The following HMOX2 variants were observed in gnomAD, a reference collection of about 807,000 sequenced individuals.
HMOX2 encodes the protein heme oxygenase (decycling) 2.
Under a neutral mutation model 33.7 loss-of-function variants are expected in HMOX2, and 30 were observed. The ratio of observed to expected loss-of-function variants is 0.89; its 90% CI spans 0.67 to 1.21. The LOEUF (loss-of-function observed/expected upper bound fraction) is 1.21, where lower values mean the gene tolerates loss of function less well. Among genes scored for constraint, HMOX2 ranks in the 50% most tolerant of loss-of-function variants. HMOX2 has a pLI of 0.00. For synonymous variants in HMOX2, 155 were observed against 155.0 expected, an observed-to-expected ratio of 1.00 and a Z score of 0.00; for missense variants, 403 against 399.1, an observed-to-expected ratio of 1.01 and a Z score of -0.08.
At chr16:4,495,404 G>A (rs528246972) in intron 1 of HMOX2, 1 of 152,210 alleles carries the variant, frequency 6.6e-6, no homozygotes, top group Non-Finnish European at 1.5e-5. Flanking sequence ...TATGTAGGAT[G>A]AGCCAACCAT....
chr16:4,505,810 C>G (rs1375744104), intron 2 of HMOX2, among the ~76,000 whole-genome samples, 200 bp downstream of exon 2: 2 of 152,206 alleles, frequency 1.3e-5, no homozygotes. Flanking sequence ...ATTGTCTCAT[C>G]CAAGGAGGCA....
chr16:4,509,398 C>A lies in HMOX2; in HGVS notation c.697-14C>A. On this transcript the variant is annotated splice_polypyrimidine_tract_variant and intron_variant, in intron 4 of 5. Transcript: ENST00000570646. ...CAGCCCAAAGATGGCTCAGTCGATC[C>A]TCTGCTCCTGCAGATATTCAATGAA... 1 of 1,612,938 alleles carries A rather than the reference C, an allele frequency of 6.2e-7. No individual in the cohort carries two copies. Among genetic ancestry groups the A allele is most frequent in the African/African-American group, 1.3e-5 (1 of 74,898 alleles).
intron 3 of HMOX2, 41 bp from the exon 4 acceptor site, chr16:4,507,672 T>C (rs1159544507): frequency 1.9e-6 from 3 of 1,592,920 alleles, no homozygotes; most frequent in Non-Finnish European, 2.6e-6. Flanking sequence ...TCGGATGTGG[T>C]GTGCTCAGGC....
chr16:4,477,116 C>T (rs950131955), intron 1 of HMOX2, among the ~76,000 whole-genome samples: 2 of 152,030 alleles, frequency 1.3e-5, no homozygotes, highest in Admixed American at 1.3e-4. Flanking sequence ...ACTTTCTGAG[C>T]GCAGTGCTCT....
chr16:4,500,695 G>A (rs995376449), intron 1 of HMOX2, among the ~76,000 whole-genome samples: 3 of 152,146 alleles, frequency 2.0e-5, no homozygotes, highest in African/African-American at 7.2e-5. Context: ...AAATTTGTTG[G>A]ACTTAGTCTC....
intron 1 of HMOX2, among the ~76,000 whole-genome samples, chr16:4,503,828 T>C (rs2058620068): frequency 1.3e-5 from 2 of 152,232 alleles, no homozygotes; most frequent in East Asian, 3.8e-4. Context: ...TTCTTAACAC[T>C]TCTGTGTTCT....
intron 1 of HMOX2, chr16:4,488,712 G>C (rs1403227136): frequency 3.3e-5 from 5 of 152,664 alleles, no homozygotes; most frequent in African/African-American, 1.2e-4. Context: ...GGGGACATTG[G>C]ATATTTTTTC....
chr16:4,506,811 G>A (rs777511385), intron 2 of HMOX2, 84 bp from the exon 3 acceptor site: 6 of 970,426 alleles, frequency 6.2e-6, no homozygotes, highest in Admixed American at 1.8e-5. Context: ...ACCTTGGGGT[G>A]TGGACTCAAT....
chr16:4,499,046 C>A (rs2058494067), intron 1 of HMOX2, among the ~76,000 whole-genome samples: 1 of 152,208 alleles, frequency 6.6e-6, no homozygotes, highest in Admixed American at 6.5e-5. Flanking sequence ...ATTCCTATTT[C>A]CTGACGCTGC....
intron 1 of HMOX2, among the ~76,000 whole-genome samples, chr16:4,497,136 G>T (rs1397021777): frequency 6.6e-6 from 1 of 152,090 alleles, no homozygotes; most frequent in Non-Finnish European, 1.5e-5. Flanking sequence ...ACCCCCAAAT[G>T]CTATTCACAG....
chr16:4,479,296 A>T (rs1193301040), intron 1 of HMOX2, among the ~76,000 whole-genome samples: 2 of 152,110 alleles, frequency 1.3e-5, no homozygotes, highest in African/African-American at 4.8e-5. Context: ...TTGTCGATCT[A>T]AGGGGTTTCC....
At chr16:4,494,054 C>A (rs1176043848) in intron 1 of HMOX2, among the ~76,000 whole-genome samples, 1 of 152,094 alleles carries the variant, frequency 6.6e-6, no homozygotes, top group Non-Finnish European at 1.5e-5. Context: ...CTGTGGCTCA[C>A]GCCTGTAATC....
intron 1 of HMOX2, among the ~76,000 whole-genome samples, chr16:4,499,493 A>C (rs895323473): frequency 6.6e-6 from 1 of 152,174 alleles, no homozygotes; most frequent in Non-Finnish European, 1.5e-5. Flanking sequence ...GTTGGTTACC[A>C]GCGGCTGGGG....
rs968676097 is a variant in HMOX2 at position 4,508,313 on chromosome 16, G to A, written c.696+109G>A. 17 of 1,298,686 alleles carry A rather than the reference G, an allele frequency of 1.3e-5. No homozygotes were observed. The African/African-American group carries it at 1.8e-4, about 14-fold the overall frequency. The allele number at this position is 1,298,686 out of a possible 1,614,324, so 80.4% of individuals were successfully genotyped here. On this transcript the variant is annotated intron_variant, in intron 4 of 5. Transcript: ENST00000570646. ...CACATGGCATTAGGACAGATGAGCT[G>A]CAGGGTGCCGAGAGGAAGGTGGCCA...
Position 4,508,162 on chromosome 16 carries a change from G to T in HMOX2, c.654G>T (p.Arg218Ser). The T allele has an allele frequency of 6.2e-7, 1 of 1,613,314 alleles. No individual in the cohort carries two copies. The highest frequency in any genetic ancestry group is 8.5e-7 in the Non-Finnish European group (1 of 1,179,646). Residue 218 changes from arginine (R) to serine (S), a missense_variant, in exon 4 of 6, where the codon AGG (arginine) becomes AGT (serine). By Grantham distance (110) the Arg-to-Ser change is moderately radical. Transcript: ENST00000570646. ...ACCTGAACATGAAGACCAAAGAGAG[G>T]ATCGTGGAGGAGGCCAACAAGGCTT... The part of the protein sequence containing the change: ...ALDLNMKTKE[R>S]IVEEANKAFE...
At chr16:4,489,901 G>A (rs1383204577) in intron 1 of HMOX2, among the ~76,000 whole-genome samples, 5 of 152,152 alleles carry the variant, frequency 3.3e-5, no homozygotes, top group East Asian at 3.9e-4. Flanking sequence ...GTGAGCCACC[G>A]CGCCCAGCCC....
intron 1 of HMOX2, among the ~76,000 whole-genome samples, chr16:4,493,653 G>C (rs2058352681): frequency 6.6e-6 from 1 of 152,166 alleles, no homozygotes; most frequent in Admixed American, 6.5e-5. Context: ...TTCTCTCATG[G>C]CTAGGCTCAT....
intron 1 of HMOX2, among the ~76,000 whole-genome samples, chr16:4,490,630 C>A (rs535151233): frequency 1.3e-5 from 2 of 152,186 alleles, no homozygotes; most frequent in Non-Finnish European, 2.9e-5. Flanking sequence ...AAGGTCTATT[C>A]CCAGGAACAT....
At position 4,483,125 on chromosome 16, in the gene HMOX2, G is replaced by T. The variant is rs11644559; in HGVS notation, c.-42+6638G>T. 1.5e-4 allele frequency among the ~76,000 whole-genome samples: 23 copies of T among 150,934 alleles called. No individual in the cohort carries two copies. In the South Asian group the frequency reaches 4.6e-3, roughly 30 times the overall value. On this transcript the variant is annotated intron_variant, in intron 1 of 5. Coordinates refer to ENST00000570646, the MANE Select transcript of HMOX2 (RefSeq NM_002134.4). Reference sequence around the variant, plus strand: ...CTTCTACGCCCTCTCTGGAACTTTCGTGTATTCAGCTATCCTGAAGCTAAT... The same window carrying T: ...CTTCTACGCCCTCTCTGGAACTTTCTTGTATTCAGCTATCCTGAAGCTAAT...
Sources: gnomAD v4.1 joint callset for allele counts (sites outside exome capture counted in the v4.1 genomes callset) on GRCh38, gnomAD v4.1.1 for gene constraint, MANE v1.5 for transcripts, NCBI Gene and HGNC (gene_info 2026-07-23, HGNC 2026-07-21) for gene names.